Variants in NMT1 observed in about 807,000 individuals in gnomAD.
The protein encoded by NMT1 is N-myristoyltransferase 1.
NMT1 carries 12 observed loss-of-function variants against 63.4 expected under a neutral mutation model. The observed-to-expected ratio is 0.19, with a 90% CI of 0.12 to 0.31. The LOEUF is 0.31. Among genes scored for constraint, NMT1 ranks in the 10% least tolerant of loss-of-function variants. The probability of loss-of-function intolerance (pLI) is 1.00; values close to 1 mark genes in which losing one functional copy is unlikely to be tolerated. For synonymous variants in NMT1, 228 were observed against 234.3 expected (o/e 0.97, Z 0.25); for missense variants, 432 against 634.6 (o/e 0.68, Z 3.43).
chr17:45,066,503 C>T (rs1433078275), intron 1 of NMT1, among the ~76,000 whole-genome samples: 1 of 151,822 alleles, frequency 6.6e-6, no homozygotes, highest in Non-Finnish European at 1.5e-5. Flanking sequence ...CCTGTAATCT[C>T]AGCACTTTGG....
At position 45,106,959 on chromosome 17, in the gene NMT1, C is replaced by T. The variant is rs2054206229; in HGVS notation, c.*1320C>T. 6.6e-6 allele frequency: 1 copy of T among 152,390 alleles called. No individual in the cohort carries two copies. The highest frequency in any genetic ancestry group is 6.5e-5 in the Admixed American group (1 of 15,298). The allele number at this position is 152,390 out of a possible 1,614,324, so 9.4% of individuals were successfully genotyped here. On this transcript the variant is annotated 3_prime_UTR_variant, in exon 12 of 12. Coordinates refer to ENST00000258960, the MANE Select transcript of NMT1 (RefSeq NM_021079.5). Reference sequence around the variant, plus strand: ...GATGTAGGCATTCTGGAGTGGTGTTCAGCCAAGTGACCGGGCAAAATTGGG... The same window carrying T: ...GATGTAGGCATTCTGGAGTGGTGTTTAGCCAAGTGACCGGGCAAAATTGGG...
chr17:45,097,351 G>C, intron 6 of NMT1, 107 bp downstream of exon 6: 2 of 893,720 alleles, frequency 2.2e-6, no homozygotes, highest in Non-Finnish European at 3.7e-6. Context: ...GAAGAGGGAA[G>C]GTCTCAGGAA....
At chr17:45,074,105 G>T (rs2157840) in intron 1 of NMT1, among the ~76,000 whole-genome samples, 62,002 of 151,936 alleles carry the variant, frequency 0.41, 13,329 homozygotes, top group Non-Finnish European at 0.45. Flanking sequence ...CTAGAAATAA[G>T]TACTGAAGTT....
At chr17:45,092,544 AAAAAC>A (rs543919528) in intron 3 of NMT1, among the ~76,000 whole-genome samples, 3 of 151,558 alleles carry the variant, frequency 2.0e-5, no homozygotes, top group Non-Finnish European at 4.4e-5. Flanking sequence ...CTGAAAAAAA[AAAAAC>A]AAAACACCAA....
chr17:45,078,651 GTT>G (rs1483614042), intron 1 of NMT1, among the ~76,000 whole-genome samples: 1 of 151,410 alleles, frequency 6.6e-6, no homozygotes, highest in African/African-American at 2.4e-5. Context: ...GGGTTTTGGT[GTT>G]TTTTTGTTTG....
intron 1 of NMT1, among the ~76,000 whole-genome samples, chr17:45,068,950 T>G (rs1808320717): frequency 7.6e-6 from 1 of 131,958 alleles, no homozygotes; most frequent in Admixed American, 7.5e-5. Context: ...ATGCCTGGAC[T>G]TTAGTTTTTT....
intron 3 of NMT1, among the ~76,000 whole-genome samples, chr17:45,089,743 A>G (rs941628374): frequency 2.4e-4 from 36 of 151,900 alleles, no homozygotes; most frequent in Non-Finnish European, 5.0e-4. Context: ...GGCTCAAGCA[A>G]TCCTCCCACC....
Position 45,108,217 on chromosome 17 carries a change from A to AG in NMT1, c.*2579dup, listed in dbSNP as rs1297164419. 6.6e-6 allele frequency: 1 copy of AG among 152,488 alleles called. No individual in the cohort carries two copies. Among genetic ancestry groups the AG allele is most frequent in the Admixed American group, 6.5e-5 (1 of 15,286 alleles). 9.4% of individuals were successfully genotyped at this position (152,488 alleles called of 1,614,324 possible). On this transcript the variant is annotated 3_prime_UTR_variant, in exon 12 of 12. Transcript: ENST00000258960. ...AGTCCTCCCAGCTGCCATGTTTCAA[A>AG]GACGACCTTTACCTCCTGCCTTTGG...
intron 8 of NMT1, chr17:45,099,886 G>A (rs2054149937): frequency 5.5e-6 from 1 of 182,658 alleles, no homozygotes; most frequent in Non-Finnish European, 1.2e-5. Context: ...GCACTACAGG[G>A]TCTGTGACGC....
chr17:45,099,250 GA>G (rs1423613411), intron 7 of NMT1, among the ~76,000 whole-genome samples, 154 bp from the exon 8 acceptor site: 1 of 152,190 alleles, frequency 6.6e-6, no homozygotes, highest in Non-Finnish European at 1.5e-5. Flanking sequence ...TCACTGTGGG[GA>G]GGGGGAGGCT....
At chr17:45,098,800 T>C (rs2054142757) in intron 7 of NMT1, 1 of 456,184 alleles carries the variant, frequency 2.2e-6, no homozygotes, top group African/African-American at 1.9e-5. Flanking sequence ...TGCTGCCATT[T>C]GGAGATGGTG....
At position 45,097,249 on chromosome 17, in the gene NMT1, G is replaced by C. The variant is rs1266595265; in HGVS notation, c.713+5G>C. On this transcript the variant is annotated splice_donor_5th_base_variant and intron_variant, in intron 6 of 11. Coordinates refer to ENST00000258960, the MANE Select transcript of NMT1 (RefSeq NM_021079.5). Reference sequence around the variant, plus strand: ...AAACATCCATATCTATGACACGTAAGCACCTGCACCTACCCCCACCCCCCA... The same window carrying C: ...AAACATCCATATCTATGACACGTAACCACCTGCACCTACCCCCACCCCCCA... 2 of 1,590,840 alleles carry C rather than the reference G, an allele frequency of 1.3e-6. No homozygotes were observed. The highest frequency in any genetic ancestry group is 3.3e-5 in the Admixed American group (2 of 59,986).
At chr17:45,065,973 A>G (rs111484913) in intron 1 of NMT1, among the ~76,000 whole-genome samples, 7 of 151,956 alleles carry the variant, frequency 4.6e-5, no homozygotes, top group African/African-American at 1.4e-4. Flanking sequence ...TAGCCTCCCA[A>G]AGTGCTGGGA....
intron 2 of NMT1, among the ~76,000 whole-genome samples, chr17:45,086,225 G>C (rs1176813813): frequency 6.7e-6 from 1 of 150,082 alleles, no homozygotes; most frequent in Non-Finnish European, 1.5e-5. Context: ...CCAGGTTCAA[G>C]TGATTCTCCT....
chr17:45,091,455 G>T (rs1460604962), intron 3 of NMT1, among the ~76,000 whole-genome samples: 4 of 152,166 alleles, frequency 2.6e-5, no homozygotes, highest in Admixed American at 2.6e-4. Flanking sequence ...CTAGTAGCCA[G>T]CCTAAATGAG....
At chr17:45,085,701 T>C (rs1225194386) in intron 2 of NMT1, among the ~76,000 whole-genome samples, 7 of 152,190 alleles carry the variant, frequency 4.6e-5, no homozygotes, top group Admixed American at 4.6e-4. Flanking sequence ...GGAGAAACCC[T>C]GCGGGCAGCA....
At position 45,105,786 on chromosome 17, in the gene NMT1, C is replaced by T; in HGVS notation, c.*147C>T. ...CCGGCTTTACCAAACCGCCAGCGAA[C>T]TTGACAATTGTATTGCGATGGCGTG... On this transcript the variant is annotated 3_prime_UTR_variant, in exon 12 of 12. Transcript: ENST00000258960. The surrounding 1 kb of genome is among the most constrained non-coding windows in gnomAD (Gnocchi z 4.2). 2.7e-6 allele frequency: 2 copies of T among 732,980 alleles called. No homozygotes were observed. Among genetic ancestry groups the T allele is most frequent in the Non-Finnish European group, 4.4e-6 (2 of 450,358 alleles). 45.4% of individuals were successfully genotyped at this position (732,980 alleles called of 1,614,324 possible).
At chr17:45,098,302 G>A (rs1465586265) in intron 6 of NMT1, 80 bp from the exon 7 acceptor site, 5 of 1,367,154 alleles carry the variant, frequency 3.7e-6, no homozygotes, top group Non-Finnish European at 4.1e-6. Context: ...GTCCTTCTAG[G>A]TGTGGCTGCA....
chr17:45,078,971 A>G (rs1874182204), intron 1 of NMT1, among the ~76,000 whole-genome samples: 1 of 152,068 alleles, frequency 6.6e-6, no homozygotes, highest in Admixed American at 6.6e-5. Flanking sequence ...CCTTTCAATT[A>G]TTTGAAAATT....
Sources: gnomAD v4.1 joint callset for allele counts (sites outside exome capture counted in the v4.1 genomes callset) on GRCh38, gnomAD v4.1.1 for gene constraint, Gnocchi (gnomAD v3.1) non-coding constraint, MANE v1.5 for transcripts, NCBI Gene and HGNC (gene_info 2026-07-23, HGNC 2026-07-21) for gene names.